SFRP1: variants seen among roughly 807,000 people sequenced by gnomAD.
SFRP1 encodes secreted frizzled-related protein 1.
SFRP1 carries 9 observed loss-of-function variants against 25.9 expected under a neutral mutation model. That is an observed-to-expected ratio of 0.35 (90% CI 0.21 to 0.61). The LOEUF is 0.61. Among genes scored for constraint, SFRP1 ranks in the 20% least tolerant of loss-of-function variants. SFRP1 has a pLI of 0.78. For synonymous variants in SFRP1, 178 were observed against 174.0 expected (o/e 1.02, Z -0.18); for missense variants, 346 against 418.2 (o/e 0.83, Z 1.51).
At chr8:41,288,170 CAACA>C in intron 2 of SFRP1, among the ~76,000 whole-genome samples, 2 of 152,158 alleles carry the variant, frequency 1.3e-5, no homozygotes, top group Middle Eastern at 6.8e-3. Flanking sequence ...TCAGCCTGGA[CAACA>C]TGGTGAAACC....
In SFRP1 at chr8:41,291,207, C is replaced by A. The variant is rs556450713; in HGVS notation, c.622+12254G>T. Among the ~76,000 whole-genome samples, 108 of 151,950 alleles carry A rather than the reference C, an allele frequency of 7.1e-4. 1 individual carries two copies. The highest frequency in any genetic ancestry group is 2.5e-3 in the African/African-American group (105 of 41,446). ...ACAGGCATGAGTCACCACGCCCGGCCTTTTTTGAGGACTTTTTTAAAGATA... is the reference window on the plus strand; with the variant it reads ...ACAGGCATGAGTCACCACGCCCGGCATTTTTTGAGGACTTTTTTAAAGATA... On this transcript the variant is annotated intron_variant, in intron 2 of 2. Transcript: ENST00000220772.
In SFRP1 at chr8:41,282,423, G is replaced by A. The variant is rs542272645; in HGVS notation, c.623-16934C>T. On this transcript the variant is annotated intron_variant, in intron 2 of 2. Coordinates refer to ENST00000220772, the MANE Select transcript of SFRP1 (RefSeq NM_003012.5). ...AGCTACTCAGAAGGCTGAGGTGGGA[G>A]AATTACTTGAGCCCAGGAGGTCAAA... is the stretch of plus-strand genomic sequence containing the variant. 4.0e-4 allele frequency among the ~76,000 whole-genome samples: 61 copies of A among 152,228 alleles called. 1 individual carries two copies. In the South Asian group the frequency reaches 0.012, roughly 31 times the overall value.
At chr8:41,280,714 G>C (rs965389233) in intron 2 of SFRP1, among the ~76,000 whole-genome samples, 1 of 152,202 alleles carries the variant, frequency 6.6e-6, no homozygotes, top group African/African-American at 2.4e-5. Context: ...AGGAGCTGCT[G>C]ACCCATGGGG....
chr8:41,290,968 G>A (rs1384607118), intron 2 of SFRP1, among the ~76,000 whole-genome samples: 1 of 125,340 alleles, frequency 8.0e-6, no homozygotes, highest in East Asian at 2.5e-4. Flanking sequence ...ATGCAGTGGC[G>A]CGATCTCGGC....
At chr8:41,277,721 T>A (rs1432705975) in intron 2 of SFRP1, among the ~76,000 whole-genome samples, 3 of 152,146 alleles carry the variant, frequency 2.0e-5, no homozygotes, top group African/African-American at 7.2e-5. Context: ...GCTCAAAGGA[T>A]CTTCCTGAGT....
intron 1 of SFRP1, among the ~76,000 whole-genome samples, chr8:41,304,274 C>CT (rs1310645836): frequency 6.6e-6 from 1 of 152,140 alleles, no homozygotes. Context: ...GAGGAGATGT[C>CT]TGAGGCCAGG....
intron 1 of SFRP1, chr8:41,306,823 CG>C (rs764323575): frequency 1.2e-5 from 19 of 1,598,016 alleles, no homozygotes; most frequent in Non-Finnish European, 1.6e-5. Flanking sequence ...AAAAGGTGTC[CG>C]GAAGACAGCG....
At chr8:41,292,780 C>T (rs373301360) in intron 2 of SFRP1, among the ~76,000 whole-genome samples, 7 of 152,158 alleles carry the variant, frequency 4.6e-5, no homozygotes, top group Non-Finnish European at 8.8e-5. Context: ...CAAGAGTGCA[C>T]GTCTTCTGCA....
At chr8:41,285,026 G>C (rs1803681299) in intron 2 of SFRP1, among the ~76,000 whole-genome samples, 1 of 152,222 alleles carries the variant, frequency 6.6e-6, no homozygotes, top group African/African-American at 2.4e-5. Flanking sequence ...CTTCCGACCT[G>C]GTGGCCTGTG....
At chr8:41,302,496 A>G (rs976776460) in intron 2 of SFRP1, among the ~76,000 whole-genome samples, 3 of 152,192 alleles carry the variant, frequency 2.0e-5, no homozygotes, top group Middle Eastern at 3.2e-3. Flanking sequence ...GCTTTTCCAG[A>G]TAAGAATTCT....
chr8:41,280,391 T>C (rs1432601982), intron 2 of SFRP1, among the ~76,000 whole-genome samples: 2 of 152,214 alleles, frequency 1.3e-5, no homozygotes, highest in Non-Finnish European at 2.9e-5. Flanking sequence ...ATGTCAAAGC[T>C]GGCCTTACCT....
chr8:41,299,768 C>CT (rs1157913526), intron 2 of SFRP1, among the ~76,000 whole-genome samples: 5 of 151,792 alleles, frequency 3.3e-5, no homozygotes, highest in African/African-American at 1.2e-4. Flanking sequence ...GTATAAGACA[C>CT]TGTGCCAGGG....
intron 2 of SFRP1, among the ~76,000 whole-genome samples, chr8:41,300,826 C>T (rs1487967368): frequency 2.0e-5 from 3 of 152,210 alleles, no homozygotes; most frequent in African/African-American, 7.2e-5. Flanking sequence ...TCGCCATGTT[C>T]GATGCGGTGA....
At chr8:41,275,290 A>G (rs557822982) in intron 2 of SFRP1, 18 of 381,474 alleles carry the variant, frequency 4.7e-5, no homozygotes, top group Non-Finnish European at 7.6e-5. Context: ...ATCTGGGATG[A>G]CGGGGCAAGC....
intron 2 of SFRP1, among the ~76,000 whole-genome samples, chr8:41,280,152 G>C (rs549620871): frequency 9.8e-5 from 15 of 152,336 alleles, no homozygotes; most frequent in Admixed American, 7.2e-4. Flanking sequence ...GGGGAGTGCA[G>C]GGGGAGGGCT....
chr8:41,265,126 A>AG lies in SFRP1; in HGVS notation c.*40_*41insC. The AG allele has an allele frequency of 7.3e-6, 1 of 136,966 alleles. No individual in the cohort carries two copies. Among genetic ancestry groups the AG allele is most frequent in the Non-Finnish European group, 1.4e-5 (1 of 71,656 alleles). The allele number at this position is 136,966 out of a possible 1,614,324, so 8.5% of individuals were successfully genotyped here. ...CCGGGGCACTGTCCCCCCCGCTCCC[A>AG]CCCCACCCGAGGCTCCCTCCCCACC... is the stretch of plus-strand genomic sequence containing the variant. On this transcript the variant is annotated 3_prime_UTR_variant, in exon 3 of 3. Coordinates refer to ENST00000220772, the MANE Select transcript of SFRP1 (RefSeq NM_003012.5).
At chr8:41,284,952 C>T (rs189734709) in intron 2 of SFRP1, among the ~76,000 whole-genome samples, 3 of 152,344 alleles carry the variant, frequency 2.0e-5, no homozygotes, top group Admixed American at 6.5e-5. Flanking sequence ...CTCTTCCCTA[C>T]GCCCCACAGA....
chr8:41,275,122 T>C (rs1803555529), intron 2 of SFRP1: 1 of 425,584 alleles, frequency 2.3e-6, no homozygotes, highest in Non-Finnish European at 4.6e-6. Context: ...TACTTAGAAC[T>C]GGAAGAGACG....
chr8:41,284,064 T>G (rs879382051), intron 2 of SFRP1, among the ~76,000 whole-genome samples: 14 of 152,118 alleles, frequency 9.2e-5, no homozygotes, highest in Admixed American at 2.0e-4. Context: ...ACTTTAAGAT[T>G]GTCAGCAAGT....
Sources: allele counts gnomAD v4.1 joint callset (sites outside exome capture counted in the v4.1 genomes callset), GRCh38; gene constraint gnomAD v4.1.1; transcripts MANE v1.5; gene names NCBI Gene and HGNC (gene_info 2026-07-23, HGNC 2026-07-21).